LAMA5: variants seen among roughly 807,000 people sequenced by gnomAD.
The protein encoded by LAMA5 is laminin subunit alpha 5.
A neutral mutation model predicts 433.4 loss-of-function variants in LAMA5; 260 were observed. That is an observed-to-expected ratio of 0.60 (90% confidence interval 0.54 to 0.66). LAMA5 has a LOEUF of 0.66. LAMA5 is among the 30% of genes least tolerant of loss of function. The pLI, the probability that LAMA5 is intolerant of heterozygous loss-of-function variation, is 0.00. For synonymous variants in LAMA5, 2,620 were observed against 2,226.6 expected, an observed-to-expected ratio of 1.18 and a Z score of -4.97; for missense variants, 5,378 against 5,258.5, an observed-to-expected ratio of 1.02 and a Z score of -0.70.
chr20:62,312,734 C>T lies in LAMA5; in HGVS notation c.9125G>A (p.Arg3042His), dbSNP rs1184920313. Residue 3042 changes from arginine to histidine, a missense_variant, in exon 67 of 80, where the codon CGT becomes CAT. Physicochemically the swap from Arg to His is conservative, Grantham distance 29 (BLOSUM62 0). Transcript: ENST00000252999. ...GCTGTACACCGTGGCCCGCTCCACA[C>T]GCACCAGCACACGCTTGCGGCTGCC... ...LGGSRKRVLVRVERATVYSVE... is the reference protein window; with the variant it reads ...LGGSRKRVLVHVERATVYSVE... 1.1e-5 allele frequency: 17 copies of T among 1,595,378 alleles called. No individual in the cohort carries two copies. The highest frequency in any genetic ancestry group is 2.2e-5 in the South Asian group (2 of 88,900).
At chr20:62,338,805 G>A (rs992966754) in intron 11 of LAMA5, among the ~76,000 whole-genome samples, 197 bp from the exon 12 acceptor site, 2 of 152,224 alleles carry the variant, frequency 1.3e-5, no homozygotes, top group African/African-American at 2.4e-5. Context: ...TTGGGAGGCC[G>A]AGGCGGGCAG....
intron 1 of LAMA5, among the ~76,000 whole-genome samples, chr20:62,363,927 C>T (rs1191875929): frequency 6.6e-6 from 1 of 152,224 alleles, no homozygotes; most frequent in Non-Finnish European, 1.5e-5. Flanking sequence ...CATCTCAGAC[C>T]TTGCCCCAGA....
intron 6 of LAMA5, among the ~76,000 whole-genome samples, chr20:62,349,953 G>A (rs1331396932): frequency 6.6e-6 from 1 of 151,292 alleles, no homozygotes; most frequent in African/African-American, 2.4e-5. Context: ...TTCCCTGGAG[G>A]AGAGGTGGGG....
chr20:62,326,080 T>C (rs1979232663), intron 40 of LAMA5, among the ~76,000 whole-genome samples: 1 of 151,116 alleles, frequency 6.6e-6, no homozygotes, highest in Admixed American at 6.6e-5. Context: ...ATTATCAGGG[T>C]GTGGTGGCGG....
chr20:62,316,993 G>A lies in LAMA5; in HGVS notation c.7542C>T (p.Leu2514=). ...TGGAGGCCTCGATGGCCCTCTGGGT[G>A]AGGCGGTCCTGGTTGACGTCCAGGA... ...SIILDVNQDR[L]TQRAIEASNA... is the part of the protein sequence containing the mutation. The change falls in exon 56 of 80, where the codon CTC becomes CTT. Residue 2514 remains leucine, a synonymous_variant. Transcript: ENST00000252999. The A allele has an allele frequency of 6.5e-7, 1 of 1,549,838 alleles. No homozygotes were observed. The highest frequency in any genetic ancestry group is 8.7e-7 in the Non-Finnish European group (1 of 1,145,032).
Position 62,367,202 on chromosome 20 carries a change from C to T in LAMA5, c.44G>A (p.Gly15Asp). The T allele has an allele frequency of 8.2e-7, 1 of 1,219,606 alleles. No homozygotes were observed. The highest frequency in any genetic ancestry group is 1.0e-6 in the Non-Finnish European group (1 of 981,582). 75.5% of individuals were successfully genotyped at this position (1,219,606 alleles called of 1,614,324 possible). Residue 15 changes from glycine to aspartate, a missense_variant, in exon 1 of 80, where the codon GGC (glycine) becomes GAC (aspartate). Gly to Asp is a moderately conservative substitution (Grantham distance 94). Transcript: ENST00000252999. ...CAGCAGCGGCGCGGGGCCCCGGGGG[C>T]CGCGAACACACAGTGCGCTCCCCGC... Reference protein sequence around the residue: ...LCAGSALCVRGPRGPAPLLLV... With the variant: ...LCAGSALCVRDPRGPAPLLLV...
rs1304671600 is a variant in LAMA5, at chr20:62,331,041, C to T, written c.3641G>A (p.Gly1214Asp). 1 of 1,597,696 alleles carries T rather than the reference C, an allele frequency of 6.3e-7. No homozygotes were observed. The highest frequency in any genetic ancestry group is 8.5e-7 in the Non-Finnish European group (1 of 1,173,160). Residue 1214 changes from glycine to aspartate, a missense_variant, in exon 29 of 80, where the codon GGC becomes GAC. Coordinates refer to ENST00000252999, the MANE Select transcript of LAMA5 (RefSeq NM_005560.6). ...CATTACCTGCCATTACCTGTTGGGGCCAAAGGCGCCGTGGCTGCTGATGCA... is the reference window on the plus strand; with the variant it reads ...CATTACCTGCCATTACCTGTTGGGGTCAAAGGCGCCGTGGCTGCTGATGCA... ...VSCISSHGAF[G>D]PNSAACLPSR... is the part of the protein sequence containing the mutation.
chr20:62,357,718 G>A lies in LAMA5; in HGVS notation c.451-4467C>T, dbSNP rs535231265. Among the ~76,000 whole-genome samples, 17 of 152,342 alleles carry A rather than the reference G, an allele frequency of 1.1e-4. No homozygotes were observed. The South Asian group carries it at 2.9e-3, about 26-fold the overall frequency. ...ACCCCCAACTCTGGGGTTGGACGCCGCCATGCCCAACTACAGATGTCCTAA... is the reference window on the plus strand; with the variant it reads ...ACCCCCAACTCTGGGGTTGGACGCCACCATGCCCAACTACAGATGTCCTAA... On this transcript the variant is annotated intron_variant, in intron 2 of 79. Transcript: ENST00000252999.
intron 2 of LAMA5, chr20:62,355,441 T>C (rs945187471): frequency 1.3e-5 from 2 of 152,382 alleles, no homozygotes; most frequent in East Asian, 1.9e-4. Context: ...AGACCCCTCA[T>C]AGCTTCAGCC....
rs1289209505 is a variant in LAMA5, at chr20:62,311,801, C to T, written c.9636-17G>A. The T allele has an allele frequency of 5.1e-6, 8 of 1,556,448 alleles. No homozygotes were observed. The highest frequency in any genetic ancestry group is 1.2e-5 in the South Asian group (1 of 81,300). ...AGCCAGACTCTGGGGGGCGGGAGGC[C>T]GGAGGCTCGGTTTTTCCCCACCCTG... is the stretch of plus-strand genomic sequence containing the variant. On this transcript the variant is annotated splice_polypyrimidine_tract_variant and intron_variant, in intron 70 of 79. Coordinates refer to ENST00000252999, the MANE Select transcript of LAMA5 (RefSeq NM_005560.6).
chr20:62,312,602 C>T (rs1230602982), intron 67 of LAMA5, 30 bp downstream of exon 67: 22 of 1,600,684 alleles, frequency 1.4e-5, no homozygotes, highest in Non-Finnish European at 1.9e-5. Context: ...ACAGCCTGGC[C>T]TCGGAGCCCC....
chr20:62,317,796 G>C lies in LAMA5; in HGVS notation c.7240-18C>G. 13 of 1,513,490 alleles carry C rather than the reference G, an allele frequency of 8.6e-6. No homozygotes were observed. Among genetic ancestry groups the C allele is most frequent in the Non-Finnish European group, 1.2e-5 (13 of 1,109,640 alleles). The allele number at this position is 1,513,490 out of a possible 1,614,324, so 93.8% of individuals were successfully genotyped here. On this transcript the variant is annotated intron_variant, in intron 53 of 79. Transcript: ENST00000252999. The stretch of plus-strand genomic sequence containing the variant: ...TTCCTTTGCTGAAGGCAATGCAGGG[G>C]AGTTGGGGACAATGAGGGGTAAGAA...
chr20:62,333,004 T>C, intron 26 of LAMA5, 86 bp downstream of exon 26: 1 of 1,376,998 alleles, frequency 7.3e-7, no homozygotes, highest in East Asian at 2.6e-5. Context: ...GCCCTGCTCC[T>C]ATAACCTGCC....
In LAMA5 at chr20:62,315,177, T is replaced by A. The variant is rs1488402801; in HGVS notation, c.7898A>T (p.Lys2633Met). 6.2e-7 allele frequency: 1 copy of A among 1,610,336 alleles called. No individual in the cohort carries two copies. The highest frequency in any genetic ancestry group is 1.7e-5 in the Admixed American group (1 of 59,876). The change falls in exon 59 of 80, where the codon AAG becomes ATG. Residue 2633 changes from lysine (K) to methionine (M), a missense_variant. By Grantham distance (95) the Lys-to-Met change is moderately conservative (BLOSUM62 -1). Coordinates refer to ENST00000252999, the MANE Select transcript of LAMA5 (RefSeq NM_005560.6). ...GTCCTGGGCTTCAGCAGCCACAGCCTTGGCATGTGCGATCTTCTTGCTTGT... is the reference window on the plus strand; with the variant it reads ...GTCCTGGGCTTCAGCAGCCACAGCCATGGCATGTGCGATCTTCTTGCTTGT... ...DETSKKIAHA[K>M]AVAAEAQDTA...
At position 62,333,541 on chromosome 20, in the gene LAMA5, CCTCA is replaced by C. The variant is rs1236979608; in HGVS notation, c.3021+19_3021+22del. 3 of 1,568,802 alleles carry C rather than the reference CCTCA, an allele frequency of 1.9e-6. No homozygotes were observed. In the East Asian group the frequency reaches 7.1e-5, roughly 37 times the overall value. On this transcript the variant is annotated intron_variant, in intron 24 of 79. Coordinates refer to ENST00000252999, the MANE Select transcript of LAMA5 (RefSeq NM_005560.6). The stretch of plus-strand genomic sequence containing the variant: ...CCCACCCCCTGACCCGGCCCCCAGC[CCTCA>C]CTCTGGCCCCTGCCTCACCAGGAGC...
Position 62,325,351 on chromosome 20 carries a change from G to A in LAMA5, c.5494C>T (p.Leu1832=). ...TCCCCCCGGTAGCTGGCGGGGCACA[G>A]GCACAGCTCCACATTGCTGGCCAGG... ...GALASNVELC[L]CPASYRGDSC... is the part of the protein sequence containing the mutation. Residue 1832 remains leucine (L), a synonymous_variant, in exon 41 of 80, where the codon CTG becomes TTG. Transcript: ENST00000252999. The A allele has an allele frequency of 6.2e-7, 1 of 1,601,940 alleles. No homozygotes were observed. The highest frequency in any genetic ancestry group is 8.5e-7 in the Non-Finnish European group (1 of 1,172,590).
Position 62,328,427 on chromosome 20 carries a change from C to G in LAMA5, c.4466G>C (p.Arg1489Pro). 3 of 1,508,460 alleles carry G rather than the reference C, an allele frequency of 2.0e-6. No individual in the cohort carries two copies. The highest frequency in any genetic ancestry group is 2.7e-6 in the Non-Finnish European group (3 of 1,121,856). 93.4% of individuals were successfully genotyped at this position (1,508,460 alleles called of 1,614,324 possible). A position where few individuals can be genotyped will look rare whatever the true frequency, so the allele number is the denominator to read the frequency against. ...CTGGCCCGTGAGCTCGTCACAGAGG[C>G]GGGCACCGCAGTCACAGGCTGTGGG... is the stretch of plus-strand genomic sequence containing the variant. Reference protein sequence around the residue: ...PNCRPCDCGARLCDELTGQCI... With the variant: ...PNCRPCDCGAPLCDELTGQCI... Residue 1489 changes from arginine to proline, a missense_variant, in exon 35 of 80, where the codon CGC becomes CCC. Transcript: ENST00000252999.
intron 1 of LAMA5, among the ~76,000 whole-genome samples, chr20:62,363,259 G>A (rs555171947): frequency 6.6e-6 from 1 of 152,304 alleles, no homozygotes; most frequent in African/African-American, 2.4e-5. Context: ...ACAGCGGCAG[G>A]TGGGCCTGGG....
chr20:62,324,484 T>C lies in LAMA5; in HGVS notation c.5600A>G (p.His1867Arg), dbSNP rs756767847. The C allele has an allele frequency of 1.2e-6, 2 of 1,612,278 alleles. No homozygotes were observed. Among genetic ancestry groups the C allele is most frequent in the South Asian group, 2.2e-5 (2 of 91,018 alleles). ...FLGRCVPCQC[H>R]GHSDRCLPGS... ...AGGGAGGCAGCGGTCTGAGTGTCCA[T>C]GGCACTGACAAGGGACACATCGGCC... Residue 1867 changes from histidine to arginine, a missense_variant, in exon 42 of 80, where the codon CAT becomes CGT. His to Arg is a conservative substitution (Grantham distance 29, BLOSUM62 0). Coordinates refer to ENST00000252999, the MANE Select transcript of LAMA5 (RefSeq NM_005560.6). This position sits in a 1 kb window ranked among gnomAD's most constrained non-coding sequence, Gnocchi z 4.4.
Sources: gnomAD v4.1 joint callset for allele counts (sites outside exome capture counted in the v4.1 genomes callset) on GRCh38, gnomAD v4.1.1 for gene constraint, Gnocchi (gnomAD v3.1) non-coding constraint, MANE v1.5 for transcripts, NCBI Gene and HGNC (gene_info 2026-07-23, HGNC 2026-07-21) for gene names.